CACNA2D3: variants seen among roughly 807,000 people sequenced by gnomAD.
The protein encoded by CACNA2D3 is calcium voltage-gated channel auxiliary subunit alpha2delta 3.
In CACNA2D3, 60 loss-of-function variants were observed where a neutral mutation model predicts 160.6. That is an observed-to-expected ratio of 0.37 (90% CI 0.30 to 0.46). The LOEUF (loss-of-function observed/expected upper bound fraction) is 0.46. Ranked by LOEUF, CACNA2D3 falls within the 20% of genes least tolerant of loss-of-function variation. The pLI, the probability that CACNA2D3 is intolerant of heterozygous loss-of-function variation, is 1.00. For missense variants in CACNA2D3, 1,205 were observed against 1,365.0 expected (o/e 0.88, Z 1.85); for synonymous variants, 558 against 492.9 (o/e 1.13, Z -1.75).
At chr3:54,484,512 A>G (rs1700984469) in intron 4 of CACNA2D3, among the ~76,000 whole-genome samples, 2 of 152,314 alleles carry the variant, frequency 1.3e-5, no homozygotes, top group African/African-American at 2.4e-5. Context: ...CTTTTGTGAT[A>G]TGCATGCTGT....
intron 11 of CACNA2D3, among the ~76,000 whole-genome samples, chr3:54,689,249 C>T (rs575166841): frequency 2.0e-5 from 3 of 152,196 alleles, no homozygotes; most frequent in Admixed American, 1.3e-4. Context: ...ATTCCTCTCA[C>T]GAGCCTCTTC....
intron 11 of CACNA2D3, among the ~76,000 whole-genome samples, chr3:54,720,917 A>C (rs116780282): frequency 2.0e-5 from 3 of 152,292 alleles, no homozygotes; most frequent in African/African-American, 7.2e-5. Context: ...TATACTAAAA[A>C]ATAGTGGCTA....
At chr3:54,864,445 G>A (rs114665050) in intron 17 of CACNA2D3, among the ~76,000 whole-genome samples, 7,499 of 152,092 alleles carry the variant, frequency 0.049, 652 homozygotes, top group African/African-American at 0.17. Context: ...GCTAATTTTT[G>A]TGTTTTTTGG....
At chr3:54,410,673 T>G (rs7373223) in intron 4 of CACNA2D3, among the ~76,000 whole-genome samples, 51,889 of 152,036 alleles carry the variant, frequency 0.34, 9,194 homozygotes, top group African/African-American at 0.42. Context: ...CATTGACAAC[T>G]CACATGGCAA....
chr3:54,322,507 G>C lies in CACNA2D3; in HGVS notation c.321+1949G>C, dbSNP rs184847628. ...AGAAATGACCAAACAGGCTTGGCAGGGTGAAGGCATTTGCCCAGGTCACGT... is the reference window on the plus strand; with the variant it reads ...AGAAATGACCAAACAGGCTTGGCAGCGTGAAGGCATTTGCCCAGGTCACGT... On this transcript the variant is annotated intron_variant, in intron 3 of 37. Coordinates refer to ENST00000474759, the MANE Select transcript of CACNA2D3 (RefSeq NM_018398.3). 1.2e-4 allele frequency among the ~76,000 whole-genome samples: 19 copies of C among 152,306 alleles called. No homozygotes were observed. The East Asian group carries it at 2.5e-3, about 20-fold the overall frequency.
chr3:54,842,242 A>G (rs76012976), intron 16 of CACNA2D3, among the ~76,000 whole-genome samples: 2 of 152,196 alleles, frequency 1.3e-5, no homozygotes, highest in African/African-American at 4.8e-5. Context: ...TTTCCTGGGG[A>G]GGATTTTAAC....
chr3:55,051,996 C>A (rs1038487924), intron 35 of CACNA2D3, among the ~76,000 whole-genome samples: 1 of 152,156 alleles, frequency 6.6e-6, no homozygotes, highest in Non-Finnish European at 1.5e-5. Context: ...TGACCTGCGC[C>A]CACTGTCTGG....
At chr3:54,308,423 C>T (rs1703656993) in intron 2 of CACNA2D3, among the ~76,000 whole-genome samples, 1 of 152,150 alleles carries the variant, frequency 6.6e-6, no homozygotes, top group Non-Finnish European at 1.5e-5. Context: ...ACTTTCTCCA[C>T]TCCCTCTCCC....
chr3:55,016,318 C>T (rs1269010482), intron 34 of CACNA2D3, among the ~76,000 whole-genome samples: 1 of 152,220 alleles, frequency 6.6e-6, no homozygotes, highest in African/African-American at 2.4e-5. Flanking sequence ...AAGCAGCACT[C>T]ACAGCGTGCC....
chr3:54,910,998 G>C (rs1425726535), intron 27 of CACNA2D3, among the ~76,000 whole-genome samples: 1 of 152,068 alleles, frequency 6.6e-6, no homozygotes, highest in African/African-American at 2.4e-5. Context: ...CCCAATCCCA[G>C]TAGCCATCAA....
At chr3:54,713,589 T>C (rs1010553936) in intron 11 of CACNA2D3, among the ~76,000 whole-genome samples, 5 of 152,128 alleles carry the variant, frequency 3.3e-5, no homozygotes, top group African/African-American at 1.2e-4. Context: ...GCTTCCCCAT[T>C]TGTAAGATGT....
chr3:54,330,821 A>G (rs1704231874), intron 3 of CACNA2D3, among the ~76,000 whole-genome samples: 1 of 152,204 alleles, frequency 6.6e-6, no homozygotes, highest in African/African-American at 2.4e-5. Flanking sequence ...CAGTGGATCC[A>G]TTCCCTTGAT....
chr3:55,074,033 A>G (rs1704886079), intron 37 of CACNA2D3, 81 bp from the exon 38 acceptor site: 2 of 1,223,516 alleles, frequency 1.6e-6, no homozygotes, highest in South Asian at 1.2e-5. Context: ...CTTACGTTAG[A>G]GAGGGGGAGA....
At chr3:54,322,818 TA>T (rs377641296) in intron 3 of CACNA2D3, among the ~76,000 whole-genome samples, 2,388 of 143,176 alleles carry the variant, frequency 0.017, 21 homozygotes, top group African/African-American at 0.032. Flanking sequence ...TTAGTGAAGA[TA>T]AAAAAAAAAA....
At chr3:54,681,482 G>C (rs917102552) in intron 11 of CACNA2D3, among the ~76,000 whole-genome samples, 1 of 147,984 alleles carries the variant, frequency 6.8e-6, no homozygotes, top group African/African-American at 2.5e-5. Context: ...CTCAAACCCA[G>C]GAGGCGGAGG....
intron 2 of CACNA2D3, among the ~76,000 whole-genome samples, chr3:54,319,156 T>TCA (rs1703932637): frequency 1.1e-5 from 1 of 87,178 alleles, no homozygotes; most frequent in Non-Finnish European, 2.3e-5. Context: ...AAGCATTTTG[T>TCA]GACACACACA....
intron 35 of CACNA2D3, among the ~76,000 whole-genome samples, chr3:55,035,833 G>A (rs60710171): frequency 1.3e-5 from 2 of 152,250 alleles, no homozygotes; most frequent in East Asian, 1.9e-4. Flanking sequence ...AATGCTTTCC[G>A]GCTATGGTTC....
chr3:55,005,131 C>T (rs1389576245), intron 32 of CACNA2D3, among the ~76,000 whole-genome samples: 3 of 151,986 alleles, frequency 2.0e-5, no homozygotes, highest in Non-Finnish European at 4.4e-5. Context: ...CAAAAATTAG[C>T]CAGGCGTGGT....
At chr3:54,469,720 T>G (rs1004011979) in intron 4 of CACNA2D3, among the ~76,000 whole-genome samples, 4 of 151,824 alleles carry the variant, frequency 2.6e-5, no homozygotes, top group African/African-American at 9.7e-5. Context: ...ACTAACCAGT[T>G]TAGAGAATAA....
Sources: allele counts gnomAD v4.1 joint callset (sites outside exome capture counted in the v4.1 genomes callset), GRCh38; gene constraint gnomAD v4.1.1; transcripts MANE v1.5; gene names NCBI Gene and HGNC (gene_info 2026-07-23, HGNC 2026-07-21).